The following PRKCQ variants were observed in gnomAD, a reference collection of about 807,000 sequenced individuals.
PRKCQ encodes the protein protein kinase C theta.
In PRKCQ, 41 loss-of-function variants were observed where a neutral mutation model predicts 91.2. The observed-to-expected ratio is 0.45, with a 90% confidence interval of 0.35 to 0.58. The LOEUF (loss-of-function observed/expected upper bound fraction) is 0.58, where lower values mean the gene tolerates loss of function less well. Ranked by LOEUF, PRKCQ falls within the 20% of genes least tolerant of loss-of-function variation. The pLI is 0.00. For missense variants in PRKCQ, 673 were observed against 896.5 expected, an observed-to-expected ratio of 0.75 and a Z score of 3.18; for synonymous variants, 307 against 316.9, an observed-to-expected ratio of 0.97 and a Z score of 0.33.
At chr10:6,421,255 G>A in the PRKCQ span, among the ~76,000 whole-genome samples, 2 of 152,210 alleles carry the variant, frequency 1.3e-5, no homozygotes. This position sits in a 1 kb window ranked among gnomAD's most constrained non-coding sequence, Gnocchi z 4.1. Context: ...AAGGCTAAGG[G>A]GGAAGGATCC....
the PRKCQ span, among the ~76,000 whole-genome samples, chr10:6,396,074 G>A: frequency 2.0e-5 from 3 of 152,050 alleles, no homozygotes; most frequent in African/African-American, 7.2e-5. Context: ...AATGGCGATC[G>A]ATAATGATAT....
intron 15 of PRKCQ, among the ~76,000 whole-genome samples, chr10:6,446,169 C>G (rs970600016): frequency 6.6e-6 from 1 of 152,054 alleles, no homozygotes; most frequent in Admixed American, 6.6e-5. Flanking sequence ...GCACAGTTAT[C>G]CCTCTCCTAT....
At chr10:6,468,455 G>A (rs1186539179) in intron 12 of PRKCQ, among the ~76,000 whole-genome samples, 1 of 152,190 alleles carries the variant, frequency 6.6e-6, no homozygotes, top group Non-Finnish European at 1.5e-5. Context: ...ATTATAGGAT[G>A]AATGACAGGT....
intron 10 of PRKCQ, among the ~76,000 whole-genome samples, chr10:6,484,127 A>G (rs1038060854): frequency 6.6e-6 from 1 of 152,228 alleles, no homozygotes; most frequent in African/African-American, 2.4e-5. Context: ...GATGCTGCCT[A>G]CGTTGGCCGG....
At chr10:6,441,865 T>C (rs751915097) in intron 16 of PRKCQ, 28 bp downstream of exon 16, 2 of 1,573,428 alleles carry the variant, frequency 1.3e-6, no homozygotes, top group African/African-American at 1.4e-5. Flanking sequence ...GCTCGTCTTA[T>C]GAAGACGCTC....
chr10:6,424,686 A>T (rs1157143635), downstream of PRKCQ, among the ~76,000 whole-genome samples: 1 of 152,104 alleles, frequency 6.6e-6, no homozygotes, highest in African/African-American at 2.4e-5. Context: ...TAACAAAGGC[A>T]TTTCTTCTTC....
rs896328287 is a variant in PRKCQ at position 6,465,197 on chromosome 10, G to A, written c.1354-793C>T. Among the ~76,000 whole-genome samples, 9 of 152,238 alleles carry A rather than the reference G, an allele frequency of 5.9e-5. No homozygotes were observed. Among genetic ancestry groups the A allele is most frequent in the African/African-American group, 1.2e-4 (5 of 41,458 alleles). ...ACTGAGCATATTCTGTGGGCGTGGC[G>A]TGGGGGGAGTGGGCGGGTCATGTCA... On this transcript the variant is annotated intron_variant, in intron 12 of 17. Coordinates refer to ENST00000263125, the MANE Select transcript of PRKCQ (RefSeq NM_006257.5). This position sits in a 1 kb window ranked among gnomAD's most constrained non-coding sequence, Gnocchi z 4.4.
chr10:6,481,379 C>G (rs779257596), intron 11 of PRKCQ, among the ~76,000 whole-genome samples: 1 of 152,236 alleles, frequency 6.6e-6, no homozygotes, highest in Non-Finnish European at 1.5e-5. Context: ...GCCAAAAAGA[C>G]AATTTCCATC....
the PRKCQ span, among the ~76,000 whole-genome samples, chr10:6,402,371 C>CAAAAAAAAAAAAAAAAAAAAAAAA: frequency 3.0e-5 from 2 of 66,574 alleles, 1 homozygote; most frequent in Non-Finnish European, 5.5e-5. Flanking sequence ...ATTTCAATGC[C>CAAAAAAAAAAAAAAAAAAAAAAAA]AAAAAAAAAA....
Position 6,482,248 on chromosome 10 carries a change from G to A in PRKCQ, c.1179+1192C>T, listed in dbSNP as rs550792399. ...CAGGACCTTCAAAGAGGTAATTAAG[G>A]TTAGATGAGGTTATTAAGGCAGGTC... On this transcript the variant is annotated intron_variant, in intron 11 of 17. Transcript: ENST00000263125. 2.0e-5 allele frequency among the ~76,000 whole-genome samples: 3 copies of A among 152,254 alleles called. No homozygotes were observed. In the East Asian group the frequency reaches 5.8e-4, roughly 29 times the overall value.
At chr10:6,395,036 G>A in the PRKCQ span, among the ~76,000 whole-genome samples, 1 of 149,024 alleles carries the variant, frequency 6.7e-6, no homozygotes, top group African/African-American at 2.5e-5. Context: ...CACAGAGCCA[G>A]CTGTGCAGGA....
intron 15 of PRKCQ, among the ~76,000 whole-genome samples, chr10:6,445,048 C>CT (rs1834185884): frequency 6.9e-6 from 1 of 144,796 alleles, no homozygotes. Context: ...CGCTTGAACC[C>CT]GGGAGGTGGA....
chr10:6,531,598 G>C (rs1839397129), intron 1 of PRKCQ, among the ~76,000 whole-genome samples: 1 of 151,330 alleles, frequency 6.6e-6, no homozygotes, highest in Admixed American at 6.6e-5. Context: ...CTCATGTTCA[G>C]TGAATTCTGG....
chr10:6,479,505 G>C (rs1019710735), intron 11 of PRKCQ, among the ~76,000 whole-genome samples: 43 of 152,328 alleles, frequency 2.8e-4, no homozygotes, highest in African/African-American at 9.4e-4. Context: ...AGAAAGAAGA[G>C]TTGAGTGTGG....
At chr10:6,494,609 G>C (rs895735985) in intron 7 of PRKCQ, among the ~76,000 whole-genome samples, 2 of 152,098 alleles carry the variant, frequency 1.3e-5, no homozygotes, top group African/African-American at 4.8e-5. Context: ...TCTTCTTCTG[G>C]TTTCTGTAAC....
chr10:6,398,927 A>G, the PRKCQ span, among the ~76,000 whole-genome samples: 10 of 152,034 alleles, frequency 6.6e-5, no homozygotes, highest in Non-Finnish European at 1.5e-4. Flanking sequence ...CTAATTAAAA[A>G]AAAATTTTAT....
At chr10:6,436,944 G>A (rs888389588) in intron 16 of PRKCQ, among the ~76,000 whole-genome samples, 3 of 152,262 alleles carry the variant, frequency 2.0e-5, no homozygotes, top group African/African-American at 7.2e-5. Context: ...CTCAAGGTAG[G>A]CTGGGTTTGT....
chr10:6,405,360 C>A, the PRKCQ span, among the ~76,000 whole-genome samples: 1 of 152,198 alleles, frequency 6.6e-6, no homozygotes, highest in South Asian at 2.1e-4. Flanking sequence ...TCAGGCAGAT[C>A]TGTGCACTGG....
rs1833391372 is a variant in PRKCQ at position 6,430,999 on chromosome 10, G to A, written c.1837-61C>T. On this transcript the variant is annotated intron_variant, in intron 16 of 17. Transcript: ENST00000263125. The surrounding 1 kb of genome is among the most constrained non-coding windows in gnomAD (Gnocchi z 4.7). ...AGGGATGACCCTTTTGCATCAGGAG[G>A]TCGTGGTGCTTCCTGGTGCACCAGC... 4 of 1,571,486 alleles carry A rather than the reference G, an allele frequency of 2.5e-6. No individual in the cohort carries two copies. The highest frequency in any genetic ancestry group is 3.7e-5 in the Admixed American group (2 of 54,026).
Sources: gnomAD v4.1 joint callset for allele counts (sites outside exome capture counted in the v4.1 genomes callset) on GRCh38, gnomAD v4.1.1 for gene constraint, Gnocchi (gnomAD v3.1) non-coding constraint, MANE v1.5 for transcripts, NCBI Gene and HGNC (gene_info 2026-07-23, HGNC 2026-07-21) for gene names.